Variants in SCFD1 observed in about 807,000 individuals in gnomAD.
SCFD1 encodes the protein sec1 family domain-containing protein 1.
A neutral mutation model predicts 103.2 loss-of-function variants in SCFD1; 37 were observed. The ratio of observed to expected loss-of-function variants is 0.36; its 90% CI spans 0.28 to 0.47. The LOEUF (loss-of-function observed/expected upper bound fraction) is 0.47. Among genes scored for constraint, SCFD1 ranks in the 20% least tolerant of loss-of-function variants. The pLI is 1.00. For missense variants in SCFD1, 639 were observed against 761.2 expected (o/e 0.84, Z 1.89); for synonymous variants, 264 against 245.0 (o/e 1.08, Z -0.73).
chr14:30,634,985 C>G (rs995543602), intron 4 of SCFD1: 5 of 455,752 alleles, frequency 1.1e-5, no homozygotes, highest in Non-Finnish European at 2.2e-5. Context: ...CAAAGAAAAT[C>G]TAGCAAGATT....
intron 14 of SCFD1, chr14:30,676,648 C>G (rs1003693729): frequency 3.3e-5 from 5 of 151,908 alleles, no homozygotes; most frequent in Non-Finnish European, 7.4e-5. Context: ...GTTTGAGAAC[C>G]TAGAAAAAGA....
chr14:30,648,298 A>G (rs953922583), intron 7 of SCFD1, among the ~76,000 whole-genome samples: 2 of 152,200 alleles, frequency 1.3e-5, no homozygotes, highest in Admixed American at 6.5e-5. Context: ...TACTTTTGCA[A>G]TTGACTGAGT....
intron 14 of SCFD1, among the ~76,000 whole-genome samples, chr14:30,680,499 T>C (rs899523288): frequency 6.6e-6 from 1 of 152,258 alleles, no homozygotes; most frequent in Admixed American, 6.5e-5. Flanking sequence ...GAATTTTAAC[T>C]TGGGTTTTTA....
chr14:30,721,888 G>C lies in SCFD1; in HGVS notation c.1741G>C (p.Val581Leu), dbSNP rs186062740. 3.1e-6 allele frequency: 5 copies of C among 1,608,234 alleles called. No homozygotes were observed. In the Admixed American group the frequency reaches 8.4e-5, roughly 27 times the overall value. The part of the protein sequence containing the change: ...PKMLRGNDSS[V>L]PRNKNPFQEA... ...TACGGTTTTTCTTTATTACAGCTCA[G>C]TTCCCAGAAATAAAAATCCATTCCA... The change falls in exon 22 of 25, where the codon GTT becomes CTT. Residue 581 changes from valine (V) to leucine (L), a missense_variant. Val to Leu is a conservative substitution (Grantham distance 32). Coordinates refer to ENST00000458591, the MANE Select transcript of SCFD1 (RefSeq NM_016106.4).
chr14:30,664,449 G>A (rs568742768), intron 10 of SCFD1, among the ~76,000 whole-genome samples: 4 of 152,172 alleles, frequency 2.6e-5, no homozygotes, highest in Non-Finnish European at 5.9e-5. Flanking sequence ...GGAGAAAACA[G>A]AGCAGAAAAC....
chr14:30,726,124 A>C (rs554984580), intron 23 of SCFD1, among the ~76,000 whole-genome samples: 1 of 152,272 alleles, frequency 6.6e-6, no homozygotes, highest in East Asian at 1.9e-4. Context: ...CATCTTTTAC[A>C]TTATATAACA....
At chr14:30,627,856 TA>T (rs59421697) in intron 1 of SCFD1, among the ~76,000 whole-genome samples, 2,440 of 116,288 alleles carry the variant, frequency 0.021, 75 homozygotes, top group African/African-American at 0.064. Flanking sequence ...CACTCAGACT[TA>T]AAAAAAAAAA....
chr14:30,678,589 G>A (rs1404451033), intron 14 of SCFD1, among the ~76,000 whole-genome samples: 1 of 152,102 alleles, frequency 6.6e-6, no homozygotes, highest in East Asian at 1.9e-4. Context: ...TTTGTAGACA[G>A]CCTGTTTTAA....
intron 11 of SCFD1, among the ~76,000 whole-genome samples, chr14:30,671,827 C>T (rs1888568859): frequency 6.6e-6 from 1 of 151,992 alleles, no homozygotes; most frequent in Non-Finnish European, 1.5e-5. Flanking sequence ...CCCAAGTCAT[C>T]CAGCTTTCGT....
chr14:30,638,208 T>C lies in SCFD1; in HGVS notation c.396T>C (p.Asn132=). The part of the protein sequence containing the change: ...ISRSKLEDIA[N]AALAASAVTQ... ...GAAGTAAACTGGAAGATATTGCAAATGCAGCGTTAGCAGCTAGTGCAGTAA... is the reference window on the plus strand; with the variant it reads ...GAAGTAAACTGGAAGATATTGCAAACGCAGCGTTAGCAGCTAGTGCAGTAA... The change falls in exon 5 of 25, where the codon AAT becomes AAC. Residue 132 remains asparagine (N), a synonymous_variant. Coordinates refer to ENST00000458591, the MANE Select transcript of SCFD1 (RefSeq NM_016106.4). The C allele has an allele frequency of 6.2e-7, 1 of 1,612,964 alleles. No individual in the cohort carries two copies. Among genetic ancestry groups the C allele is most frequent in the Non-Finnish European group, 8.5e-7 (1 of 1,179,462 alleles).
intron 7 of SCFD1, among the ~76,000 whole-genome samples, chr14:30,644,189 T>C (rs2139067547): frequency 6.6e-6 from 1 of 152,364 alleles, no homozygotes; most frequent in East Asian, 1.9e-4. Context: ...ACTCTTTTTT[T>C]ATGGCTCTAT....
intron 4 of SCFD1, among the ~76,000 whole-genome samples, 166 bp downstream of exon 4, chr14:30,634,203 A>C (rs556372816): frequency 6.6e-6 from 1 of 152,258 alleles, no homozygotes; most frequent in South Asian, 2.1e-4. Context: ...AAGACTTAAA[A>C]CTTTTGGCTG....
chr14:30,692,793 G>A (rs1890409449), intron 14 of SCFD1, among the ~76,000 whole-genome samples: 1 of 152,106 alleles, frequency 6.6e-6, no homozygotes, highest in South Asian at 2.1e-4. Context: ...GCAGATAACA[G>A]CTTTTCCCAA....
intron 10 of SCFD1, among the ~76,000 whole-genome samples, chr14:30,666,601 A>T (rs532787264): frequency 1.3e-5 from 2 of 152,160 alleles, no homozygotes; most frequent in African/African-American, 4.8e-5. Context: ...AAAAAAATCA[A>T]TGAATCCAGG....
Position 30,622,350 on chromosome 14 carries a change from G to GGCGGCAGCGACAGCAGCAGCA in SCFD1, c.15_35dup (p.Ala7_Ala13dup), listed in dbSNP as rs1555343179. 5 of 1,570,362 alleles carry GGCGGCAGCGACAGCAGCAGCA rather than the reference G, an allele frequency of 3.2e-6. No homozygotes were observed. The highest frequency in any genetic ancestry group is 1.7e-4 in the Middle Eastern group (1 of 6,010). Reference sequence around the variant, plus strand: ...TCGTGGGAGCCAAGATGGCGGCGGCGGCGGCAGCGACAGCAGCAGCAGCAG... The same window carrying GGCGGCAGCGACAGCAGCAGCA: ...TCGTGGGAGCCAAGATGGCGGCGGCGGCGGCAGCGACAGCAGCAGCAGCGGCAGCGACAGCAGCAGCAGCAG... On this transcript the variant is annotated inframe_insertion, in exon 1 of 25. Coordinates refer to ENST00000458591, the MANE Select transcript of SCFD1 (RefSeq NM_016106.4).
chr14:30,714,490 A>C (rs1178144111), intron 19 of SCFD1, among the ~76,000 whole-genome samples: 1 of 152,220 alleles, frequency 6.6e-6, no homozygotes, highest in African/African-American at 2.4e-5. Context: ...CCTAGCCAAC[A>C]CAAATGAAAT....
intron 14 of SCFD1, chr14:30,682,963 T>C (rs1889607770): frequency 1.6e-6 from 1 of 624,496 alleles, no homozygotes; most frequent in South Asian, 2.2e-5. Flanking sequence ...TGATACAGAG[T>C]CTATACAGAA....
rs140492338 is a variant in SCFD1, at chr14:30,673,816, CG to C, written c.1087-106del. The stretch of plus-strand genomic sequence containing the variant: ...TATTCTAGGTGACTTAAAAATCTTA[CG>C]GTATATCAATAATCTTAGGATATTT... On this transcript the variant is annotated intron_variant, in intron 12 of 24. Transcript: ENST00000458591. 2,607 of 748,440 alleles carry C rather than the reference CG, an allele frequency of 3.5e-3. 53 individuals are homozygous for C. The African/African-American group carries it at 0.042, about 12-fold the overall frequency. The allele number at this position is 748,440 out of a possible 1,614,324, so 46.4% of individuals were successfully genotyped here. A position where few individuals can be genotyped will look rare whatever the true frequency, so the allele number is the denominator to read the frequency against.
chr14:30,712,936 C>T (rs1188558553), intron 19 of SCFD1, among the ~76,000 whole-genome samples: 1 of 152,128 alleles, frequency 6.6e-6, no homozygotes, highest in Non-Finnish European at 1.5e-5. Flanking sequence ...AGCACACAGA[C>T]TTTTTATGTT....
Sources: gnomAD v4.1 joint callset for allele counts (sites outside exome capture counted in the v4.1 genomes callset) on GRCh38, gnomAD v4.1.1 for gene constraint, MANE v1.5 for transcripts, NCBI Gene and HGNC (gene_info 2026-07-23, HGNC 2026-07-21) for gene names.